The following LRRC37A2 variants were observed in gnomAD, a reference collection of about 807,000 sequenced individuals.
LRRC37A2 encodes leucine rich repeat containing 37 member A2.
In LRRC37A2, 9 loss-of-function variants were observed where a neutral mutation model predicts 68.8. The observed-to-expected ratio is 0.13, with a 90% CI of 0.08 to 0.23. The LOEUF is 0.23. Ranked by LOEUF, LRRC37A2 falls within the 10% of genes least tolerant of loss-of-function variation. LRRC37A2 has a pLI of 1.00. For missense variants in LRRC37A2, 168 were observed against 950.4 expected, an observed-to-expected ratio of 0.18 and a Z score of 10.82; for synonymous variants, 63 against 367.6, an observed-to-expected ratio of 0.17 and a Z score of 9.48.
At chr17:46,786,100 T>TA in the LRRC37A2 span, among the ~76,000 whole-genome samples, 1 of 120,112 alleles carries the variant, frequency 8.3e-6, no homozygotes, top group East Asian at 3.0e-4. Context: ...GTGAAGTTGA[T>TA]AAGCCTGGAA....
chr17:46,776,027 A>G, the LRRC37A2 span, among the ~76,000 whole-genome samples: 2 of 152,324 alleles, frequency 1.3e-5, no homozygotes, highest in South Asian at 4.1e-4. Flanking sequence ...TAGCCCCAGC[A>G]CAAAGTAGGG....
chr17:46,924,163 TTCTC>T, the LRRC37A2 span: 2 of 298,734 alleles, frequency 6.7e-6, no homozygotes, highest in Non-Finnish European at 6.1e-6. Flanking sequence ...TCTGTTTTAC[TTCTC>T]TCTATGAGTT....
chr17:47,046,388 T>TAA, the LRRC37A2 span, among the ~76,000 whole-genome samples: 3 of 127,048 alleles, frequency 2.4e-5, no homozygotes, highest in African/African-American at 8.8e-5. Context: ...TGTGGGTTGT[T>TAA]ACTTTGAGTT....
chr17:46,895,764 T>C, the LRRC37A2 span, among the ~76,000 whole-genome samples: 3 of 152,246 alleles, frequency 2.0e-5, no homozygotes, highest in Non-Finnish European at 4.4e-5. Context: ...TGCTGGTACA[T>C]GGTGGGTGCA....
the LRRC37A2 span, among the ~76,000 whole-genome samples, chr17:46,862,639 G>A: frequency 4.6e-5 from 7 of 152,128 alleles, no homozygotes; most frequent in African/African-American, 1.4e-4. Context: ...CTGGAGTGCA[G>A]TGGCAGGATC....
At chr17:46,533,736 A>C (rs2054104078) in intron 6 of LRRC37A2, among the ~76,000 whole-genome samples, 1 of 88,596 alleles carries the variant, frequency 1.1e-5, no homozygotes, top group Admixed American at 1.1e-4. Context: ...TCTTGACCTC[A>C]AGTGATCCTC....
chr17:46,696,355 C>A, the LRRC37A2 span, among the ~76,000 whole-genome samples: 1 of 140,834 alleles, frequency 7.1e-6, no homozygotes, highest in Non-Finnish European at 1.5e-5. Flanking sequence ...CATTAAGCTG[C>A]CCTCAGTCTA....
chr17:46,792,860 C>T, the LRRC37A2 span, among the ~76,000 whole-genome samples: 1 of 152,068 alleles, frequency 6.6e-6, no homozygotes, highest in Non-Finnish European at 1.5e-5. Flanking sequence ...TAGAATACAT[C>T]CTTTAATTTG....
At chr17:46,815,794 A>C in the LRRC37A2 span, among the ~76,000 whole-genome samples, 1 of 152,190 alleles carries the variant, frequency 6.6e-6, no homozygotes, top group Non-Finnish European at 1.5e-5. Flanking sequence ...TGCCCCCTGC[A>C]GCCACCTTGT....
chr17:46,720,065 C>A, the LRRC37A2 span, among the ~76,000 whole-genome samples: 1 of 152,174 alleles, frequency 6.6e-6, no homozygotes, highest in African/African-American at 2.4e-5. Flanking sequence ...GATGCCTAAT[C>A]CTCCTCTTTT....
chr17:46,762,622 G>C, the LRRC37A2 span: 2 of 150,364 alleles, frequency 1.3e-5, no homozygotes, highest in Non-Finnish European at 3.0e-5. Context: ...TAACTCAAAG[G>C]TATATACATT....
At chr17:46,725,954 G>A in the LRRC37A2 span, among the ~76,000 whole-genome samples, 7 of 152,234 alleles carry the variant, frequency 4.6e-5, no homozygotes, top group South Asian at 6.2e-4. Context: ...GGCTAAAACC[G>A]TTCCTTCACT....
the LRRC37A2 span, among the ~76,000 whole-genome samples, chr17:46,794,655 T>C: frequency 1.3e-5 from 2 of 152,126 alleles, no homozygotes; most frequent in South Asian, 2.1e-4. Flanking sequence ...TATTGGTCTA[T>C]AGATGCCTGG....
chr17:47,024,712 A>G, the LRRC37A2 span: 1 of 886,366 alleles, frequency 1.1e-6, no homozygotes, highest in Non-Finnish European at 1.9e-6. Context: ...ACTGAATTAC[A>G]CAAGGATTCA....
chr17:46,836,957 T>G, the LRRC37A2 span, among the ~76,000 whole-genome samples: 58 of 152,222 alleles, frequency 3.8e-4, no homozygotes, highest in African/African-American at 1.3e-3. Context: ...TTTTTCTTTT[T>G]TTTGAGACAG....
chr17:46,753,238 CT>C, the LRRC37A2 span, among the ~76,000 whole-genome samples: 1 of 152,206 alleles, frequency 6.6e-6, no homozygotes, highest in South Asian at 2.1e-4. Flanking sequence ...GTCCTGCATT[CT>C]GCTAGTGTGG....
chr17:46,408,531 CTT>C, the LRRC37A2 span, among the ~76,000 whole-genome samples: 1 of 62,520 alleles, frequency 1.6e-5, no homozygotes. Flanking sequence ...TTTTTTAAAT[CTT>C]TTTTTTTTTT....
chr17:46,553,382 C>A lies in LRRC37A2; in HGVS notation c.4810-18C>A, dbSNP rs759157893. On this transcript the variant is annotated intron_variant, in intron 11 of 14. Transcript: ENST00000576629. ...TTGTTGTCATAGATAATCTTAATTGCGTTTTCTTCTAAAACAGATATGTTG... is the reference window on the plus strand; with the variant it reads ...TTGTTGTCATAGATAATCTTAATTGAGTTTTCTTCTAAAACAGATATGTTG... The A allele has an allele frequency of 6.2e-7, 1 of 1,609,352 alleles. No individual in the cohort carries two copies. The highest frequency in any genetic ancestry group is 2.2e-5 in the East Asian group (1 of 44,752).
the LRRC37A2 span, among the ~76,000 whole-genome samples, chr17:46,922,550 G>T: frequency 6.6e-6 from 1 of 152,142 alleles, no homozygotes; most frequent in Non-Finnish European, 1.5e-5. Flanking sequence ...TCTTTTGAGA[G>T]TATACATATC....
Sources: allele counts gnomAD v4.1 joint callset (sites outside exome capture counted in the v4.1 genomes callset), GRCh38; gene constraint gnomAD v4.1.1; transcripts MANE v1.5; gene names NCBI Gene and HGNC (gene_info 2026-07-23, HGNC 2026-07-21).